Variants in DLGAP2 observed in about 807,000 individuals in gnomAD.
DLGAP2 encodes the protein disks large-associated protein 2.
DLGAP2 carries 26 observed loss-of-function variants against 100.3 expected under a neutral mutation model. The observed-to-expected ratio is 0.26, with a 90% CI of 0.19 to 0.36. DLGAP2 has a LOEUF of 0.36. Among genes scored for constraint, DLGAP2 ranks in the 10% least tolerant of loss-of-function variants. The pLI is 1.00. For missense variants in DLGAP2, 1,858 were observed against 1,453.2 expected (o/e 1.28, Z -4.53); for synonymous variants, 886 against 630.1 (o/e 1.41, Z -6.08).
chr8:764,187 C>T (rs1409419764), intron 1 of DLGAP2, among the ~76,000 whole-genome samples: 4 of 152,214 alleles, frequency 2.6e-5, no homozygotes. Context: ...AGCTGCCACT[C>T]ATCCTGCCTC....
intron 3 of DLGAP2, among the ~76,000 whole-genome samples, chr8:1,409,184 T>C (rs986084107): frequency 1.3e-5 from 2 of 148,756 alleles, no homozygotes; most frequent in Admixed American, 6.7e-5. Flanking sequence ...AGCAGGCGCC[T>C]GGCTCCCCTT....
At chr8:1,309,879 G>T (rs914280305) in intron 3 of DLGAP2, among the ~76,000 whole-genome samples, 10 of 152,202 alleles carry the variant, frequency 6.6e-5, no homozygotes, top group Non-Finnish European at 1.0e-4. Flanking sequence ...CAGATTTCTT[G>T]AGGTCAGGAG....
intron 8 of DLGAP2, among the ~76,000 whole-genome samples, chr8:1,657,891 T>G (rs1427243772): frequency 6.6e-6 from 1 of 152,178 alleles, no homozygotes; most frequent in Non-Finnish European, 1.5e-5. Context: ...AGAAAGAATT[T>G]ACGACATGGA....
chr8:851,005 C>T (rs1034326441), intron 1 of DLGAP2, among the ~76,000 whole-genome samples: 2 of 152,170 alleles, frequency 1.3e-5, no homozygotes, highest in East Asian at 1.9e-4. Context: ...CAAGTAGAGA[C>T]GCAGCAAAAG....
chr8:1,418,575 G>A (rs1374097014), intron 3 of DLGAP2, among the ~76,000 whole-genome samples: 1 of 152,086 alleles, frequency 6.6e-6, no homozygotes, highest in Admixed American at 6.6e-5. Flanking sequence ...GCATTCACAC[G>A]ACACTCCACT....
chr8:1,557,861 A>G (rs988686110), intron 5 of DLGAP2, among the ~76,000 whole-genome samples: 3 of 151,988 alleles, frequency 2.0e-5, no homozygotes, highest in African/African-American at 7.3e-5. Context: ...TACCTTCTTC[A>G]CCTCTGTAAA....
At chr8:1,111,418 T>C (rs527965346) in intron 2 of DLGAP2, among the ~76,000 whole-genome samples, 1 of 152,236 alleles carries the variant, frequency 6.6e-6, no homozygotes, top group South Asian at 2.1e-4. Flanking sequence ...CTTTTATTTT[T>C]GGTTCCGCGG....
At chr8:788,262 C>G (rs1009080950) in intron 1 of DLGAP2, among the ~76,000 whole-genome samples, 1 of 152,222 alleles carries the variant, frequency 6.6e-6, no homozygotes, top group East Asian at 1.9e-4. Context: ...ATGGCTGTTT[C>G]TGGGGCATCG....
At chr8:1,527,063 G>A (rs563825950) in intron 4 of DLGAP2, among the ~76,000 whole-genome samples, 1 of 151,750 alleles carries the variant, frequency 6.6e-6, no homozygotes, top group Admixed American at 6.6e-5. Context: ...CCTCTCCTGC[G>A]AGCAGCGGGT....
intron 3 of DLGAP2, among the ~76,000 whole-genome samples, chr8:1,414,676 C>G (rs560907570): frequency 2.4e-5 from 3 of 126,052 alleles, no homozygotes; most frequent in African/African-American, 1.0e-4. Context: ...CTGCCCTCAG[C>G]GTGTCTTGCC....
intron 3 of DLGAP2, among the ~76,000 whole-genome samples, chr8:1,263,411 A>G (rs540361050): frequency 5.3e-5 from 8 of 152,304 alleles, no homozygotes; most frequent in African/African-American, 1.7e-4. Flanking sequence ...GACCTACAGA[A>G]TCTTATATTT....
At position 1,586,497 on chromosome 8, in the gene DLGAP2, A is replaced by G. The variant is rs1796124484; in HGVS notation, c.1442+20603A>G. 2.6e-5 allele frequency among the ~76,000 whole-genome samples: 4 copies of G among 152,262 alleles called. No individual in the cohort carries two copies. In the East Asian group the frequency reaches 7.7e-4, roughly 29 times the overall value. On this transcript the variant is annotated intron_variant, in intron 6 of 14. Coordinates refer to ENST00000637795, the MANE Select transcript of DLGAP2 (RefSeq NM_001346810.2). ...TTCTGCTTTCAATGCTCCTGCGCTG[A>G]GAGGGGGCCTGCCTGGGTCATCAGG...
At chr8:988,367 T>G (rs537424972) in intron 2 of DLGAP2, among the ~76,000 whole-genome samples, 12 of 152,340 alleles carry the variant, frequency 7.9e-5, no homozygotes, top group African/African-American at 2.4e-4. Flanking sequence ...GTGTCATTCT[T>G]TATTCTTCTC....
intron 2 of DLGAP2, among the ~76,000 whole-genome samples, chr8:961,400 G>A (rs1233615652): frequency 6.6e-6 from 1 of 152,198 alleles, no homozygotes; most frequent in Non-Finnish European, 1.5e-5. Context: ...GTAACAGAGG[G>A]TGTATGCTTC....
chr8:1,156,355 T>C (rs936651441), intron 2 of DLGAP2, among the ~76,000 whole-genome samples: 2 of 151,540 alleles, frequency 1.3e-5, no homozygotes, highest in African/African-American at 4.9e-5. Context: ...CGGAGGAGAG[T>C]TGGGGAGGCG....
intron 2 of DLGAP2, among the ~76,000 whole-genome samples, chr8:1,077,416 G>T (rs1198407183): frequency 6.6e-6 from 1 of 152,176 alleles, no homozygotes; most frequent in African/African-American, 2.4e-5. Flanking sequence ...GGAGCAGAGG[G>T]GCGGTGGTGA....
intron 1 of DLGAP2, among the ~76,000 whole-genome samples, chr8:844,229 A>G (rs1412368087): frequency 6.6e-6 from 1 of 152,244 alleles, no homozygotes; most frequent in Non-Finnish European, 1.5e-5. Context: ...AGCTGAATCA[A>G]AATGGTAGGG....
chr8:1,185,419 G>T (rs1017290360), intron 2 of DLGAP2, among the ~76,000 whole-genome samples: 5 of 152,072 alleles, frequency 3.3e-5, no homozygotes, highest in African/African-American at 4.8e-5. Flanking sequence ...AGGCCGGTCA[G>T]CTTTGCCTCT....
intron 1 of DLGAP2, among the ~76,000 whole-genome samples, chr8:787,662 C>G (rs528154918): frequency 4.6e-5 from 7 of 152,202 alleles, no homozygotes; most frequent in Admixed American, 4.6e-4. Context: ...TTGGCCTTGT[C>G]TTGCTCCGGG....
Sources: allele counts gnomAD v4.1 joint callset (sites outside exome capture counted in the v4.1 genomes callset), GRCh38; gene constraint gnomAD v4.1.1; transcripts MANE v1.5; gene names NCBI Gene and HGNC (gene_info 2026-07-23, HGNC 2026-07-21).